Variants in AMPH observed in about 807,000 individuals in gnomAD.
AMPH encodes amphiphysin, also known as amphiphysin (Stiff-Mann syndrome with breast cancer 128kD autoantigen).
A neutral mutation model predicts 99.1 loss-of-function variants in AMPH; 49 were observed. That is an observed-to-expected ratio of 0.49 (90% CI 0.39 to 0.63). AMPH has a LOEUF of 0.63. AMPH is among the 20% of genes least tolerant of loss of function. The probability of loss-of-function intolerance (pLI) is 0.00; values close to 1 mark genes in which losing one functional copy is unlikely to be tolerated. For synonymous variants in AMPH, 314 were observed against 317.3 expected (o/e 0.99, Z 0.11); for missense variants, 759 against 863.4 (o/e 0.88, Z 1.52).
At chr7:38,461,520 T>G in intron 10 of AMPH, 109 bp from the exon 11 acceptor site, 1 of 1,335,640 alleles carries the variant, frequency 7.5e-7, no homozygotes, top group Non-Finnish European at 1.1e-6. Context: ...TGATTGAAAC[T>G]TGTATCTGCA....
chr7:38,543,400 T>G (rs1029639126), intron 1 of AMPH, among the ~76,000 whole-genome samples: 3 of 152,152 alleles, frequency 2.0e-5, no homozygotes, highest in Non-Finnish European at 4.4e-5. Flanking sequence ...AGGGGCTGCT[T>G]GTGATGATGG....
At chr7:38,509,581 G>A (rs1789460408) in intron 2 of AMPH, among the ~76,000 whole-genome samples, 2 of 152,164 alleles carry the variant, frequency 1.3e-5, no homozygotes, top group Admixed American at 1.3e-4. Context: ...ATCACAGCAT[G>A]CAGACTGGAT....
chr7:38,626,767 A>G (rs919926799), intron 1 of AMPH, among the ~76,000 whole-genome samples: 2 of 152,214 alleles, frequency 1.3e-5, no homozygotes, highest in Non-Finnish European at 2.9e-5. Context: ...AATTTTTGCT[A>G]TCTATCCATC....
chr7:38,460,353 G>T (rs752132971), intron 11 of AMPH, among the ~76,000 whole-genome samples: 3 of 152,106 alleles, frequency 2.0e-5, no homozygotes, highest in Admixed American at 2.0e-4. Flanking sequence ...TTATCCAAAA[G>T]AAAAGAAATG....
At chr7:38,571,429 A>T (rs1392169038) in intron 1 of AMPH, among the ~76,000 whole-genome samples, 1 of 38,866 alleles carries the variant, frequency 2.6e-5, no homozygotes, top group Non-Finnish European at 5.3e-5. Context: ...TATATATAGA[A>T]TATTTATATA....
At position 38,619,259 on chromosome 7, in the gene AMPH, G is replaced by A. The variant is rs550293794; in HGVS notation, c.69+12024C>T. ...AAAGAAAACTGGAATGGCTATAACCGTATCAGATAAAAATGGACTTTAAGA... is the reference window on the plus strand; with the variant it reads ...AAAGAAAACTGGAATGGCTATAACCATATCAGATAAAAATGGACTTTAAGA... On this transcript the variant is annotated intron_variant, in intron 1 of 20. Coordinates refer to ENST00000356264, the MANE Select transcript of AMPH (RefSeq NM_001635.4). 7.9e-4 allele frequency among the ~76,000 whole-genome samples: 121 copies of A among 152,238 alleles called. 2 individuals carry two copies. The highest frequency in any genetic ancestry group is 2.6e-3 in the African/African-American group (110 of 41,556).
chr7:38,505,176 T>C (rs1562796117), intron 2 of AMPH, among the ~76,000 whole-genome samples: 1 of 152,194 alleles, frequency 6.6e-6, no homozygotes, highest in African/African-American at 2.4e-5. Flanking sequence ...CATTTAAAGA[T>C]AATGATTAAT....
chr7:38,627,963 AAAC>A (rs1372233824), intron 1 of AMPH, among the ~76,000 whole-genome samples: 1 of 152,230 alleles, frequency 6.6e-6, no homozygotes, highest in African/African-American at 2.4e-5. Context: ...AAACCAGACA[AAAC>A]CAACCAATAG....
At chr7:38,627,943 C>T (rs1009162692) in intron 1 of AMPH, among the ~76,000 whole-genome samples, 12 of 151,986 alleles carry the variant, frequency 7.9e-5, no homozygotes, top group African/African-American at 2.2e-4. Flanking sequence ...AATTCAACCA[C>T]GCAAAAGAGA....
At chr7:38,615,518 C>G (rs1368865079) in intron 1 of AMPH, among the ~76,000 whole-genome samples, 1 of 152,096 alleles carries the variant, frequency 6.6e-6, no homozygotes, top group East Asian at 1.9e-4. Context: ...GAGGATATAA[C>G]AGAAGGAAGA....
chr7:38,601,825 A>G (rs1007677447), intron 1 of AMPH, among the ~76,000 whole-genome samples: 1 of 152,188 alleles, frequency 6.6e-6, no homozygotes, highest in Non-Finnish European at 1.5e-5. Context: ...TCAAGAAGAA[A>G]GCAAACATAA....
intron 2 of AMPH, among the ~76,000 whole-genome samples, chr7:38,519,690 A>G (rs1336085779): frequency 1.3e-5 from 2 of 152,244 alleles, no homozygotes; most frequent in Non-Finnish European, 2.9e-5. Context: ...CTTTTGAACC[A>G]GGAGTGACCA....
intron 1 of AMPH, among the ~76,000 whole-genome samples, chr7:38,593,910 T>A (rs1359420112): frequency 6.6e-6 from 1 of 151,598 alleles, no homozygotes; most frequent in Non-Finnish European, 1.5e-5. Flanking sequence ...TGGTGGGAAA[T>A]GAGGTCAAAG....
chr7:38,500,441 C>T (rs1267905578), intron 3 of AMPH, among the ~76,000 whole-genome samples: 2 of 152,234 alleles, frequency 1.3e-5, no homozygotes, highest in African/African-American at 2.4e-5. Context: ...GTGCAGGTGC[C>T]GTCTGCCAGA....
At chr7:38,426,510 G>A (rs1785787363) in intron 15 of AMPH, among the ~76,000 whole-genome samples, 1 of 152,162 alleles carries the variant, frequency 6.6e-6, no homozygotes, top group African/African-American at 2.4e-5. Context: ...TCTCTAGAAG[G>A]AAGCTCCTAA....
chr7:38,455,848 G>A (rs921775859), intron 11 of AMPH, among the ~76,000 whole-genome samples: 1 of 152,228 alleles, frequency 6.6e-6, no homozygotes, highest in African/African-American at 2.4e-5. Flanking sequence ...ATTCTGCTCT[G>A]GGGCAGATAC....
At chr7:38,436,216 A>C in intron 12 of AMPH, 56 bp downstream of exon 12, 1 of 1,281,956 alleles carries the variant, frequency 7.8e-7, no homozygotes, top group East Asian at 2.3e-5. Context: ...TGGTTACCAC[A>C]CTGAGCTTAC....
chr7:38,436,985 C>T (rs1023665455), intron 11 of AMPH, among the ~76,000 whole-genome samples: 4 of 152,026 alleles, frequency 2.6e-5, no homozygotes, highest in African/African-American at 4.8e-5. Context: ...TGAGGGTGAA[C>T]GGGAGGGAGA....
At chr7:38,624,578 GC>G (rs1794181518) in intron 1 of AMPH, among the ~76,000 whole-genome samples, 1 of 150,574 alleles carries the variant, frequency 6.6e-6, no homozygotes, top group Admixed American at 6.6e-5. Flanking sequence ...TAAAGGCAGT[GC>G]TTCACTGATT....
Sources: gnomAD v4.1 joint callset for allele counts (sites outside exome capture counted in the v4.1 genomes callset) on GRCh38, gnomAD v4.1.1 for gene constraint, MANE v1.5 for transcripts, NCBI Gene and HGNC (gene_info 2026-07-23, HGNC 2026-07-21) for gene names.